The following ADARB1 variants were observed in gnomAD, a reference collection of about 807,000 sequenced individuals.
ADARB1 encodes the protein double-stranded RNA-specific editase 1.
A neutral mutation model predicts 52.4 loss-of-function variants in ADARB1; 10 were observed. The observed-to-expected ratio is 0.19, with a 90% confidence interval of 0.12 to 0.32. The LOEUF (loss-of-function observed/expected upper bound fraction) is 0.32, where lower values mean the gene tolerates loss of function less well. ADARB1 is among the 10% of genes least tolerant of loss of function. The probability of loss-of-function intolerance (pLI) is 1.00; values close to 1 mark genes in which losing one functional copy is unlikely to be tolerated. For missense variants in ADARB1, 643 were observed against 922.3 expected, an observed-to-expected ratio of 0.70 and a Z score of 3.92; for synonymous variants, 349 against 371.1, an observed-to-expected ratio of 0.94 and a Z score of 0.68.
rs114027650 is a variant in ADARB1 at position 45,180,341 on chromosome 21, C to A, written c.975C>A (p.Asp325Glu). ...TGCTTCCCACACAGGTTTTAGCTGA[C>A]GCTGTCTCACGCCTGGTCCTGGGTA... ...LQLHLPQVLA[D>E]AVSRLVLGKF... Residue 325 changes from aspartate to glutamate, a missense_variant, in exon 5 of 11, where the codon GAC becomes GAA. Asp to Glu is a conservative substitution (Grantham distance 45). Around this residue, in one of 2 missense-constraint regions of ADARB1, gnomAD observed 380 missense variants for 446.5 expected, o/e 0.85. Transcript: ENST00000348831. 3 of 1,613,858 alleles carry A rather than the reference C, an allele frequency of 1.9e-6. No homozygotes were observed. In the East Asian group the frequency reaches 6.7e-5, roughly 36 times the overall value.
intron 2 of ADARB1, chr21:45,133,520 C>A (rs2089086191): frequency 1.9e-5 from 3 of 158,854 alleles, no homozygotes; most frequent in Admixed American, 1.3e-4. Flanking sequence ...ATCCCTTCAC[C>A]TTTGCCTTAT....
chr21:45,162,655 C>G (rs1674221217), intron 2 of ADARB1, among the ~76,000 whole-genome samples: 1 of 152,234 alleles, frequency 6.6e-6, no homozygotes, highest in African/African-American at 2.4e-5. Flanking sequence ...GCAGATCTGT[C>G]CATGAAAGCC....
intron 1 of ADARB1, among the ~76,000 whole-genome samples, chr21:45,119,599 G>C (rs1278129594): frequency 6.6e-6 from 1 of 152,080 alleles, no homozygotes; most frequent in Non-Finnish European, 1.5e-5. Context: ...AAATAGCTGG[G>C]TAACTTTGTT....
At chr21:45,190,110 T>C (rs2092240166) in intron 8 of ADARB1, among the ~76,000 whole-genome samples, 2 of 152,108 alleles carry the variant, frequency 1.3e-5, no homozygotes, top group African/African-American at 2.4e-5. Flanking sequence ...GTTCCGTAAG[T>C]CCCTTAGTCT....
intron 2 of ADARB1, among the ~76,000 whole-genome samples, chr21:45,139,616 G>A (rs1038866174): frequency 6.6e-6 from 1 of 152,200 alleles, no homozygotes; most frequent in African/African-American, 2.4e-5. Context: ...CAGGGAAGGT[G>A]CCTGTCGGGC....
intron 2 of ADARB1, among the ~76,000 whole-genome samples, chr21:45,166,142 AG>A (rs2091246263): frequency 2.0e-5 from 3 of 152,290 alleles, no homozygotes; most frequent in Admixed American, 2.0e-4. Context: ...CATTAAGGGA[AG>A]GGGAGAAAAA....
chr21:45,224,817 A>T lies in ADARB1; in HGVS notation c.*2620A>T, dbSNP rs1046706844. ...GCTCATCTGTAATCAGAAAAAAAAT[A>T]AACAAAATACAGAACGCTGACTCCT... On this transcript the variant is annotated 3_prime_UTR_variant, in exon 11 of 11. Transcript: ENST00000348831. 4 of 981,906 alleles carry T rather than the reference A, an allele frequency of 4.1e-6. No homozygotes were observed. In the African/African-American group the frequency reaches 7.0e-5, roughly 17 times the overall value. 60.8% of individuals were successfully genotyped at this position (981,906 alleles called of 1,614,324 possible).
chr21:45,076,274 C>T (rs559322811), intron 1 of ADARB1, among the ~76,000 whole-genome samples: 8 of 152,176 alleles, frequency 5.3e-5, no homozygotes, highest in African/African-American at 7.2e-5. Context: ...GCGGTTCCTC[C>T]GGAGGACAGG....
chr21:45,162,057 C>G (rs1265246531), intron 2 of ADARB1, among the ~76,000 whole-genome samples: 1 of 152,186 alleles, frequency 6.6e-6, no homozygotes, highest in Non-Finnish European at 1.5e-5. Flanking sequence ...AGCTGTAACA[C>G]AAACAGGGCT....
At chr21:45,150,887 G>A (rs1176622714) in intron 2 of ADARB1, among the ~76,000 whole-genome samples, 1 of 152,184 alleles carries the variant, frequency 6.6e-6, no homozygotes, top group South Asian at 2.1e-4. Context: ...ACAAATTCAG[G>A]CACAAATTCA....
At chr21:45,159,317 G>A (rs895796098) in intron 2 of ADARB1, among the ~76,000 whole-genome samples, 3 of 152,120 alleles carry the variant, frequency 2.0e-5, no homozygotes, top group Admixed American at 6.5e-5. Flanking sequence ...TCACTACCAC[G>A]AGAACAGTAT....
chr21:45,094,876 C>T lies in ADARB1; in HGVS notation c.-220+20083C>T, dbSNP rs535007709. On this transcript the variant is annotated intron_variant, in intron 1 of 10. Transcript: ENST00000348831. ...AGACCAATTGAGGACCTCCATCAGC[C>T]GAGGGGCCTGGACGCTCACTGAGAG... Among the ~76,000 whole-genome samples the T allele has an allele frequency of 2.6e-5, 4 of 152,184 alleles. No homozygotes were observed. In the South Asian group the frequency reaches 8.3e-4, roughly 32 times the overall value.
chr21:45,206,128 G>A (rs1385034917), intron 9 of ADARB1, among the ~76,000 whole-genome samples: 1 of 152,234 alleles, frequency 6.6e-6, no homozygotes, highest in Admixed American at 6.5e-5. Context: ...GTATTGGTGT[G>A]TGAATTTCTC....
chr21:45,106,628 C>T (rs866439939), intron 1 of ADARB1, among the ~76,000 whole-genome samples: 2 of 152,158 alleles, frequency 1.3e-5, no homozygotes, highest in East Asian at 3.8e-4. Context: ...TTTAATAAAC[C>T]ATTTTTAGTG....
At chr21:45,179,936 G>A (rs1022091787) in intron 4 of ADARB1, among the ~76,000 whole-genome samples, 1 of 152,134 alleles carries the variant, frequency 6.6e-6, no homozygotes, top group Non-Finnish European at 1.5e-5. Flanking sequence ...GAGGGCAAGG[G>A]GGGTGGGAGG....
At chr21:45,150,881 A>G (rs1290922473) in intron 2 of ADARB1, among the ~76,000 whole-genome samples, 1 of 152,220 alleles carries the variant, frequency 6.6e-6, no homozygotes, top group Non-Finnish European at 1.5e-5. Flanking sequence ...CCCAACACAA[A>G]TTCAGGCACA....
chr21:45,182,784 G>A (rs748148497), intron 6 of ADARB1, 31 bp downstream of exon 6: 2 of 1,525,112 alleles, frequency 1.3e-6, no homozygotes, highest in African/African-American at 1.4e-5. Context: ...AGGACAGGAA[G>A]CTCTTTTTAA....
chr21:45,197,181 CAA>C (rs573286641), intron 8 of ADARB1, among the ~76,000 whole-genome samples: 21 of 151,690 alleles, frequency 1.4e-4, no homozygotes, highest in Admixed American at 2.6e-4. Flanking sequence ...CAAAACAAAA[CAA>C]AGAGAGTTTG....
chr21:45,217,907 G>A (rs73907277), intron 9 of ADARB1, among the ~76,000 whole-genome samples: 7,495 of 152,120 alleles, frequency 0.049, 225 homozygotes, highest in East Asian at 0.11. Flanking sequence ...TGTTGTTTGC[G>A]TTGTTTCCAG....
Sources: allele counts gnomAD v4.1 joint callset (sites outside exome capture counted in the v4.1 genomes callset), GRCh38; gene constraint gnomAD v4.1.1; regional missense constraint gnomAD v4.1.1; transcripts MANE v1.5; gene names NCBI Gene and HGNC (gene_info 2026-07-23, HGNC 2026-07-21).